The following TAS2R1 variants were observed in gnomAD, a reference collection of about 807,000 sequenced individuals.
TAS2R1 encodes the protein taste receptor type 2 member 1.
For missense variants in TAS2R1, 370 were observed against 353.4 expected (o/e 1.05, Z -0.38); for synonymous variants, 141 against 134.2 (o/e 1.05, Z -0.35).
chr5:9,825,811 C>T, the TAS2R1 span, among the ~76,000 whole-genome samples: 1 of 152,216 alleles, frequency 6.6e-6, no homozygotes, highest in Non-Finnish European at 1.5e-5. Context: ...GGAGCACTTT[C>T]AAGCTTAATC....
intron 2 of TAS2R1, among the ~76,000 whole-genome samples, chr5:9,647,842 C>T (rs942415516): frequency 2.0e-5 from 3 of 152,028 alleles, no homozygotes; most frequent in Non-Finnish European, 2.9e-5. Context: ...ATTCTCCCTG[C>T]CTGGCATGAA....
At chr5:9,856,545 ACAG>A in the TAS2R1 span, among the ~76,000 whole-genome samples, 1 of 152,206 alleles carries the variant, frequency 6.6e-6, no homozygotes, top group Admixed American at 6.5e-5. Context: ...GACATTAGCT[ACAG>A]CATTGCCTGG....
chr5:9,739,700 C>T, the TAS2R1 span, among the ~76,000 whole-genome samples: 11 of 152,162 alleles, frequency 7.2e-5, no homozygotes, highest in African/African-American at 2.2e-4. Flanking sequence ...GGTCATTCAA[C>T]GCTTACGCTC....
the TAS2R1 span, among the ~76,000 whole-genome samples, chr5:9,753,110 T>G: frequency 3.3e-3 from 496 of 152,330 alleles, 4 homozygotes; most frequent in African/African-American, 0.011. Context: ...TCTAGATCCC[T>G]GAAGAATCGC....
chr5:9,884,358 C>T, the TAS2R1 span, among the ~76,000 whole-genome samples: 1 of 151,550 alleles, frequency 6.6e-6, no homozygotes, highest in Non-Finnish European at 1.5e-5. Context: ...CCTGTAATCC[C>T]AGCTACTCGG....
the TAS2R1 span, among the ~76,000 whole-genome samples, chr5:9,866,571 TG>T: frequency 0.011 from 1,640 of 152,314 alleles, 30 homozygotes; most frequent in African/African-American, 0.038. Flanking sequence ...GATTAGAAGT[TG>T]TTTTTCAGTC....
chr5:9,879,479 T>C, the TAS2R1 span, among the ~76,000 whole-genome samples: 1 of 152,164 alleles, frequency 6.6e-6, no homozygotes, highest in Admixed American at 6.5e-5. Context: ...GGATCCCAGT[T>C]TGTCCATACT....
chr5:9,682,580 A>T (rs1334653387), intron 1 of TAS2R1, among the ~76,000 whole-genome samples: 3 of 152,216 alleles, frequency 2.0e-5, no homozygotes, highest in Non-Finnish European at 4.4e-5. Flanking sequence ...AGAGGAAAAA[A>T]GGAGTGAGGA....
the TAS2R1 span, among the ~76,000 whole-genome samples, chr5:9,897,049 A>G: frequency 1.3e-5 from 2 of 152,368 alleles, no homozygotes; most frequent in East Asian, 3.9e-4. Flanking sequence ...GGCACCAGGA[A>G]AAATGGCTAC....
the TAS2R1 span, among the ~76,000 whole-genome samples, chr5:9,877,329 A>G: frequency 0.019 from 2,906 of 152,308 alleles, 78 homozygotes; most frequent in African/African-American, 0.063. Flanking sequence ...CTTCCTTTCC[A>G]GAAAAAGAAG....
chr5:9,629,835 A>G lies in TAS2R1; in HGVS notation c.198T>C (p.Asn66=), dbSNP rs372703858. 6.2e-6 allele frequency: 10 copies of G among 1,613,844 alleles called. No homozygotes were observed. The highest frequency in any genetic ancestry group is 8.5e-6 in the Non-Finnish European group (10 of 1,179,930). ...ATTCTATGAAGAAGATAACAATCACATTAACGTAGAAGATGAACAACTGCA... is the reference window on the plus strand; with the variant it reads ...ATTCTATGAAGAAGATAACAATCACGTTAACGTAGAAGATGAACAACTGCA... The part of the protein sequence containing the change: ...IFLQLFIFYV[N]VIVIFFIEFI... Residue 66 remains asparagine (N), a synonymous_variant, in exon 1 of 1, where the codon AAT becomes AAC. Transcript: ENST00000382492.
At chr5:9,785,037 A>G in the TAS2R1 span, among the ~76,000 whole-genome samples, 13 of 152,176 alleles carry the variant, frequency 8.5e-5, no homozygotes. Flanking sequence ...TATATTTTTC[A>G]GCAAAAAAGA....
At chr5:9,838,170 C>T in the TAS2R1 span, among the ~76,000 whole-genome samples, 1 of 152,040 alleles carries the variant, frequency 6.6e-6, no homozygotes, top group South Asian at 2.1e-4. Context: ...GGGTATAGAC[C>T]CCAGAATTTC....
intron 2 of TAS2R1, among the ~76,000 whole-genome samples, chr5:9,643,032 C>T (rs1457435194): frequency 1.3e-5 from 2 of 151,802 alleles, no homozygotes; most frequent in African/African-American, 2.4e-5. Flanking sequence ...TCCCTCCCTT[C>T]CTCTTTATCC....
At chr5:9,829,263 T>C in the TAS2R1 span, among the ~76,000 whole-genome samples, 1 of 152,304 alleles carries the variant, frequency 6.6e-6, no homozygotes, top group East Asian at 1.9e-4. Context: ...AATTTAAACC[T>C]CACTAGCACT....
the TAS2R1 span, among the ~76,000 whole-genome samples, chr5:9,831,891 A>C: frequency 6.6e-6 from 1 of 152,198 alleles, no homozygotes; most frequent in African/African-American, 2.4e-5. Flanking sequence ...TAGAGAGCCC[A>C]CTGAATCACT....
chr5:9,817,084 T>C, the TAS2R1 span, among the ~76,000 whole-genome samples: 2 of 152,206 alleles, frequency 1.3e-5, no homozygotes, highest in Non-Finnish European at 2.9e-5. Context: ...TCAAAATCTT[T>C]GATAGGACTT....
At chr5:9,653,211 T>C (rs1294880106) in intron 2 of TAS2R1, among the ~76,000 whole-genome samples, 2 of 152,192 alleles carry the variant, frequency 1.3e-5, no homozygotes, top group Admixed American at 6.5e-5. Context: ...GTAACATACG[T>C]CAGAATGTCC....
chr5:9,669,725 T>C (rs1450870519), intron 1 of TAS2R1, among the ~76,000 whole-genome samples: 1 of 152,084 alleles, frequency 6.6e-6, no homozygotes, highest in Non-Finnish European at 1.5e-5. Context: ...AAAACAAAGA[T>C]ACAGCACACT....
Sources: allele counts gnomAD v4.1 joint callset (sites outside exome capture counted in the v4.1 genomes callset), GRCh38; gene constraint gnomAD v4.1.1; transcripts MANE v1.5; gene names NCBI Gene and HGNC (gene_info 2026-07-23, HGNC 2026-07-21).